The following TMEM267 variants were observed in gnomAD, a reference collection of about 807,000 sequenced individuals.
TMEM267 encodes transmembrane protein 267.
Under a neutral mutation model 19.3 loss-of-function variants are expected in TMEM267, and 20 were observed. The observed-to-expected ratio is 1.04, with a 90% CI of 0.73 to 1.51. The LOEUF is 1.51. Ranked by LOEUF, TMEM267 falls within the 40% of genes most tolerant of loss-of-function variation. The pLI, the probability that TMEM267 is intolerant of heterozygous loss-of-function variation, is 0.00. For missense variants in TMEM267, 242 were observed against 261.9 expected (o/e 0.92, Z 0.52); for synonymous variants, 88 against 90.3 (o/e 0.97, Z 0.15).
intron 1 of TMEM267, among the ~76,000 whole-genome samples, chr5:43,460,278 G>A (rs1743182425): frequency 6.6e-6 from 1 of 152,130 alleles, no homozygotes; most frequent in Admixed American, 6.6e-5. Flanking sequence ...CCATGAACCT[G>A]TACTGGTCCA....
intron 2 of TMEM267, among the ~76,000 whole-genome samples, chr5:43,447,063 T>G (rs1742286120): frequency 6.6e-6 from 1 of 152,084 alleles, no homozygotes; most frequent in Admixed American, 6.5e-5. Flanking sequence ...AAATACGTAT[T>G]CTAAAATTGA....
chr5:43,471,503 G>T (rs537589703), intron 1 of TMEM267, among the ~76,000 whole-genome samples: 23 of 150,504 alleles, frequency 1.5e-4, no homozygotes, highest in African/African-American at 5.3e-4. Flanking sequence ...TAAGCAAAAA[G>T]AACAAAACTG....
rs543452869 is a variant in TMEM267 at position 43,465,131 on chromosome 5, C to T, written c.-74-11088G>A. On this transcript the variant is annotated intron_variant, in intron 1 of 2. Transcript: ENST00000397080. ...ACAAGAAAAAAACAAACAACCCCAT[C>T]CAAAAGTGGGCAAAGGATATGAACA... Among the ~76,000 whole-genome samples the T allele has an allele frequency of 2.6e-5, 4 of 152,308 alleles. No homozygotes were observed. In the South Asian group the frequency reaches 8.3e-4, roughly 32 times the overall value.
rs182958851 is a variant in TMEM267, at chr5:43,480,825, C to T, written c.-75+2997G>A. Among the ~76,000 whole-genome samples, 504 of 85,754 alleles carry T rather than the reference C, an allele frequency of 5.9e-3. 7 individuals are homozygous for T. Among genetic ancestry groups the T allele is most frequent in the African/African-American group, 0.027 (483 of 17,652 alleles). 56.3% of individuals were successfully genotyped at this position (85,754 alleles called of 152,430 possible). ...TTTTTTTTTTTTTTTTTTTTTGAGA[C>T]GGAGTCTTGCTCTGTCGACCAGGCT... On this transcript the variant is annotated intron_variant, in intron 1 of 2. Coordinates refer to ENST00000397080, the MANE Select transcript of TMEM267 (RefSeq NM_022483.5).
chr5:43,450,135 T>C (rs563710580), intron 2 of TMEM267, among the ~76,000 whole-genome samples: 4 of 152,036 alleles, frequency 2.6e-5, no homozygotes, highest in East Asian at 1.9e-4. Context: ...GGTGGAACTA[T>C]AGGCATACAC....
intron 1 of TMEM267, among the ~76,000 whole-genome samples, chr5:43,460,281 CT>C (rs1319781717): frequency 6.6e-6 from 1 of 152,112 alleles, no homozygotes; most frequent in Non-Finnish European, 1.5e-5. Context: ...TGAACCTGTA[CT>C]GGTCCATGGC....
intron 1 of TMEM267, among the ~76,000 whole-genome samples, chr5:43,473,942 G>A (rs761102957): frequency 6.6e-6 from 1 of 152,144 alleles, no homozygotes; most frequent in Non-Finnish European, 1.5e-5. Context: ...ACAGAACAGA[G>A]GCCTGAGAAA....
intron 1 of TMEM267, among the ~76,000 whole-genome samples, chr5:43,483,350 T>TA (rs1051364206): frequency 6.6e-6 from 1 of 152,134 alleles, no homozygotes. Context: ...AAATGTCATT[T>TA]AAAAAAATGG....
chr5:43,463,095 G>C (rs754927805), intron 1 of TMEM267, among the ~76,000 whole-genome samples: 3 of 152,144 alleles, frequency 2.0e-5, no homozygotes, highest in South Asian at 2.1e-4. Flanking sequence ...AATAAAAAAT[G>C]ATAAAGGGGA....
chr5:43,473,884 C>T lies in TMEM267; in HGVS notation c.-75+9938G>A, dbSNP rs145155099. Among the ~76,000 whole-genome samples the T allele has an allele frequency of 6.6e-3, 1,005 of 152,252 alleles. 9 individuals are homozygous for T. The highest frequency in any genetic ancestry group is 0.017 in the South Asian group (83 of 4,824). ...AATCTATACTACAAGGCTACAGTAACAAAAACAGCATGGTACTGGTACCAA... is the reference window on the plus strand; with the variant it reads ...AATCTATACTACAAGGCTACAGTAATAAAAACAGCATGGTACTGGTACCAA... On this transcript the variant is annotated intron_variant, in intron 1 of 2. Coordinates refer to ENST00000397080, the MANE Select transcript of TMEM267 (RefSeq NM_022483.5).
intron 2 of TMEM267, among the ~76,000 whole-genome samples, chr5:43,449,357 A>C (rs1286341975): frequency 6.6e-6 from 1 of 152,212 alleles, no homozygotes; most frequent in African/African-American, 2.4e-5. Flanking sequence ...GGTAGAAAAT[A>C]GCTGAAATAG....
intron 2 of TMEM267, among the ~76,000 whole-genome samples, chr5:43,451,953 C>A (rs987769485): frequency 5.9e-5 from 9 of 151,430 alleles, no homozygotes; most frequent in African/African-American, 1.7e-4. Context: ...TGGCATGTGA[C>A]TATGGTCCCA....
intron 1 of TMEM267, among the ~76,000 whole-genome samples, chr5:43,457,281 C>A (rs1414672211): frequency 6.6e-6 from 1 of 152,164 alleles, no homozygotes; most frequent in Non-Finnish European, 1.5e-5. Flanking sequence ...CAAAGGGCAT[C>A]TATAAGAATT....
rs1742234868 is a variant in TMEM267 at position 43,446,319 on chromosome 5, A to AT, written c.550dup (p.Ile184AsnfsTer31). On this transcript the variant is annotated frameshift_variant, in exon 3 of 3. Coordinates refer to ENST00000397080, the MANE Select transcript of TMEM267 (RefSeq NM_022483.5). LOFTEE classifies it high-confidence loss of function. ...ACAGATGTGAGGTAAAGATGATGTG[A>AT]TTATTACATAAAGCCAGAATGGCAA... 1 of 1,613,786 alleles carries AT rather than the reference A, an allele frequency of 6.2e-7. No homozygotes were observed. Among genetic ancestry groups the AT allele is most frequent in the South Asian group, 1.1e-5 (1 of 91,086 alleles).
At position 43,472,713 on chromosome 5, in the gene TMEM267, T is replaced by G. The variant is rs188483989; in HGVS notation, c.-75+11109A>C. ...ACACAGAAACACAAATATCACATAT[T>G]CTCACTTATTTGTGGGATCTAAATA... On this transcript the variant is annotated intron_variant, in intron 1 of 2. Coordinates refer to ENST00000397080, the MANE Select transcript of TMEM267 (RefSeq NM_022483.5). Among the ~76,000 whole-genome samples, 720 of 151,242 alleles carry G rather than the reference T, an allele frequency of 4.8e-3. 5 individuals are homozygous for G. Among genetic ancestry groups the G allele is most frequent in the African/African-American group, 0.016 (649 of 41,050 alleles).
chr5:43,463,216 A>G (rs1386277770), intron 1 of TMEM267, among the ~76,000 whole-genome samples: 2 of 152,238 alleles, frequency 1.3e-5, no homozygotes, highest in Admixed American at 1.3e-4. Flanking sequence ...CTCGACACAT[A>G]CACCCTCCCA....
At chr5:43,447,228 CA>C (rs1742297973) in intron 2 of TMEM267, among the ~76,000 whole-genome samples, 1 of 151,664 alleles carries the variant, frequency 6.6e-6, no homozygotes, top group African/African-American at 2.4e-5. Flanking sequence ...TAGCTGGGAT[CA>C]TAGGCACCTG....
intron 2 of TMEM267, among the ~76,000 whole-genome samples, chr5:43,449,244 A>G (rs1032768540): frequency 6.6e-6 from 1 of 152,058 alleles, no homozygotes; most frequent in Non-Finnish European, 1.5e-5. Flanking sequence ...TGCACCCCAA[A>G]CTGGGCAACA....
At chr5:43,450,268 A>T (rs1488809606) in intron 2 of TMEM267, among the ~76,000 whole-genome samples, 13 of 152,202 alleles carry the variant, frequency 8.5e-5, no homozygotes, top group Non-Finnish European at 1.6e-4. Context: ...TTGGGGTTAC[A>T]GGCATGAGCC....
Sources: gnomAD v4.1 joint callset for allele counts (sites outside exome capture counted in the v4.1 genomes callset) on GRCh38, gnomAD v4.1.1 for gene constraint, MANE v1.5 for transcripts, NCBI Gene and HGNC (gene_info 2026-07-23, HGNC 2026-07-21) for gene names.